LRFN5: variants seen among roughly 807,000 people sequenced by gnomAD.
LRFN5 encodes leucine rich repeat and fibronectin type III domain containing 5, also known as leucine-rich repeat and fibronectin type-III domain-containing protein 5.
A neutral mutation model predicts 45.6 loss-of-function variants in LRFN5; 24 were observed. The observed-to-expected ratio is 0.53, with a 90% CI of 0.38 to 0.74. The LOEUF (loss-of-function observed/expected upper bound fraction) is 0.74, where lower values mean the gene tolerates loss of function less well. Ranked by LOEUF, LRFN5 falls within the 30% of genes least tolerant of loss-of-function variation. The pLI is 0.00. For missense variants in LRFN5, 776 were observed against 861.5 expected (o/e 0.90, Z 1.24); for synonymous variants, 340 against 313.8 (o/e 1.08, Z -0.88).
At chr14:41,633,038 A>T (rs1888604957) in intron 1 of LRFN5, among the ~76,000 whole-genome samples, 1 of 152,106 alleles carries the variant, frequency 6.6e-6, no homozygotes, top group African/African-American at 2.4e-5. Context: ...AATAATTTAG[A>T]CCCTATGAAC....
chr14:41,706,499 T>C (rs1883074248), intron 1 of LRFN5, among the ~76,000 whole-genome samples: 1 of 152,180 alleles, frequency 6.6e-6, no homozygotes, highest in Non-Finnish European at 1.5e-5. Flanking sequence ...AGAGGGCTTA[T>C]TGAGTCAAAG....
chr14:41,869,455 A>G (rs1256703172), intron 2 of LRFN5, among the ~76,000 whole-genome samples: 1 of 150,918 alleles, frequency 6.6e-6, no homozygotes, highest in Non-Finnish European at 1.5e-5. Flanking sequence ...AAAGGTTTTT[A>G]TTAGTATTTC....
chr14:41,856,675 A>ATTATTTTTTTT, intron 2 of LRFN5, among the ~76,000 whole-genome samples: 208 of 18,328 alleles, frequency 0.011, 22 homozygotes, highest in Admixed American at 0.03. Flanking sequence ...TATTATTATT[A>ATTATTTTTTTT]TTTTTTTTTT....
chr14:41,800,287 C>G (rs944884189), intron 2 of LRFN5, among the ~76,000 whole-genome samples: 2,215 of 151,942 alleles, frequency 0.015, 48 homozygotes, highest in African/African-American at 0.049. Context: ...ACAGATGAAA[C>G]CAAAAGAAAT....
chr14:41,674,619 C>T (rs1375070750), intron 1 of LRFN5, among the ~76,000 whole-genome samples: 5 of 149,016 alleles, frequency 3.4e-5, no homozygotes. Flanking sequence ...CCCCCACCTC[C>T]CTCCTGGACG....
intron 1 of LRFN5, among the ~76,000 whole-genome samples, chr14:41,673,951 A>T (rs28426670): frequency 7.6e-6 from 1 of 130,768 alleles, no homozygotes; most frequent in Non-Finnish European, 1.7e-5. Flanking sequence ...GGGGGCTGAC[A>T]CCCCCACCTC....
intron 1 of LRFN5, chr14:41,742,688 G>C (rs77591642): frequency 0.22 from 13,829 of 64,272 alleles, 1,055 homozygotes; most frequent in East Asian, 0.6. Flanking sequence ...TCACCAACAA[G>C]AGCCAGAAGA....
At chr14:41,643,358 A>G (rs1221101715) in intron 1 of LRFN5, among the ~76,000 whole-genome samples, 8 of 152,164 alleles carry the variant, frequency 5.3e-5, no homozygotes, top group African/African-American at 1.9e-4. Flanking sequence ...TTAAAGTTTT[A>G]TATTTTTACA....
intron 1 of LRFN5, among the ~76,000 whole-genome samples, chr14:41,716,312 T>G (rs544996261): frequency 6.6e-6 from 1 of 152,276 alleles, no homozygotes; most frequent in South Asian, 2.1e-4. Flanking sequence ...CAGCTTGGAT[T>G]TCTCCTCAGA....
intron 4 of LRFN5, among the ~76,000 whole-genome samples, chr14:41,897,207 A>G (rs954736458): frequency 1.3e-5 from 2 of 151,832 alleles, no homozygotes; most frequent in African/African-American, 4.8e-5. Flanking sequence ...TTGAAGAGGG[A>G]TATAGAAAGT....
chr14:41,901,616 A>C (rs1891104388), intron 5 of LRFN5, among the ~76,000 whole-genome samples: 1 of 152,142 alleles, frequency 6.6e-6, no homozygotes, highest in African/African-American at 2.4e-5. Context: ...TCTCTGTTAC[A>C]GATGAGTACA....
chr14:41,904,450 T>G lies in LRFN5; in HGVS notation c.*275T>G. The G allele has an allele frequency of 2.6e-6, 1 of 381,038 alleles. No individual in the cohort carries two copies. Among genetic ancestry groups the G allele is most frequent in the Non-Finnish European group, 4.7e-6 (1 of 214,238 alleles). 23.6% of individuals were successfully genotyped at this position (381,038 alleles called of 1,614,324 possible). On this transcript the variant is annotated 3_prime_UTR_variant, in exon 6 of 6. Coordinates refer to ENST00000298119, the MANE Select transcript of LRFN5 (RefSeq NM_152447.5). ...AAAAGCCTACATTGGCATCAAGTTC[T>G]GTATCAATCCATCTTACATTGCCAT...
At chr14:41,704,450 G>GTGTGTGTGTGTGTC (rs1882978562) in intron 1 of LRFN5, among the ~76,000 whole-genome samples, 1 of 139,102 alleles carries the variant, frequency 7.2e-6, no homozygotes, top group African/African-American at 3.0e-5. Context: ...CTCTCTCTCT[G>GTGTGTGTGTGTGTC]TGTGTGTGTG....
chr14:41,658,626 C>T (rs1428489385), intron 1 of LRFN5, among the ~76,000 whole-genome samples: 2 of 151,946 alleles, frequency 1.3e-5, no homozygotes, highest in Non-Finnish European at 2.9e-5. Flanking sequence ...CAATGATACG[C>T]AATTATCCTA....
At position 41,895,397 on chromosome 14, in the gene LRFN5, G is replaced by A. The variant is rs1268513817; in HGVS notation, c.2098+3435G>A. 6.6e-5 allele frequency among the ~76,000 whole-genome samples: 10 copies of A among 152,142 alleles called. No homozygotes were observed. The East Asian group carries it at 1.9e-3, about 29-fold the overall frequency. ...CCAGCACTCTGGGGGCCCAAGATGG[G>A]CAGATCACTTGAGGTCAGGAGTTAG... On this transcript the variant is annotated intron_variant, in intron 4 of 5. Coordinates refer to ENST00000298119, the MANE Select transcript of LRFN5 (RefSeq NM_152447.5).
intron 2 of LRFN5, among the ~76,000 whole-genome samples, chr14:41,800,672 T>TA (rs1429657831): frequency 6.6e-6 from 1 of 151,578 alleles, no homozygotes; most frequent in East Asian, 1.9e-4. Flanking sequence ...TAATATGTTT[T>TA]AAAAAAATTA....
intron 2 of LRFN5, among the ~76,000 whole-genome samples, chr14:41,844,351 G>A (rs547654792): frequency 6.6e-6 from 1 of 151,728 alleles, no homozygotes; most frequent in South Asian, 2.1e-4. Flanking sequence ...GCAGGAGAAT[G>A]GCGTGAACCC....
intron 4 of LRFN5, chr14:41,893,115 C>T (rs1160741183): frequency 1.0e-6 from 1 of 984,014 alleles, no homozygotes; most frequent in Non-Finnish European, 1.2e-6. Context: ...GAATGTTTTC[C>T]TTTTAAAGTA....
At chr14:41,840,640 T>C (rs10152009) in intron 2 of LRFN5, among the ~76,000 whole-genome samples, 4,671 of 152,112 alleles carry the variant, frequency 0.031, 250 homozygotes, top group African/African-American at 0.11. Context: ...TAATATTCTT[T>C]TTCCCCTCAT....
Sources: gnomAD v4.1 joint callset for allele counts (sites outside exome capture counted in the v4.1 genomes callset) on GRCh38, gnomAD v4.1.1 for gene constraint, MANE v1.5 for transcripts, NCBI Gene and HGNC (gene_info 2026-07-23, HGNC 2026-07-21) for gene names.